Variants in FANCB observed in about 807,000 individuals in gnomAD.
FANCB encodes the protein Fanconi anemia group B protein.
Under a neutral mutation model 38.9 loss-of-function variants are expected in FANCB, and 5 were observed. That is an observed-to-expected ratio of 0.13 (90% CI 0.07 to 0.27). The LOEUF (loss-of-function observed/expected upper bound fraction) is 0.27, where lower values mean the gene tolerates loss of function less well. Among genes scored for constraint, FANCB ranks in the 10% least tolerant of loss-of-function variants. The pLI, the probability that FANCB is intolerant of heterozygous loss-of-function variation, is 1.00. For missense variants in FANCB, 573 were observed against 602.7 expected (o/e 0.95, Z 0.52); for synonymous variants, 236 against 215.4 (o/e 1.10, Z -0.84).
At chrX:14,765,517 G>A in the FANCB span, among the ~76,000 whole-genome samples, 1 of 112,527 alleles carries the variant, frequency 8.9e-6, no homozygotes, top group Non-Finnish European at 1.9e-5. Flanking sequence ...TGAAGAGTAA[G>A]AAGATAGCTC....
At chrX:14,811,672 C>T in the FANCB span, among the ~76,000 whole-genome samples, 1 of 111,501 alleles carries the variant, frequency 9.0e-6, no homozygotes, top group African/African-American at 3.3e-5. Flanking sequence ...TAAAGGAAGT[C>T]CTGAGTGACC....
chrX:14,819,181 G>A, the FANCB span, among the ~76,000 whole-genome samples: 2 of 111,950 alleles, frequency 1.8e-5, no homozygotes, highest in African/African-American at 6.5e-5. Flanking sequence ...CTAGAAGATG[G>A]GTTCTAGGGG....
chrX:14,802,333 C>T, the FANCB span, among the ~76,000 whole-genome samples: 2 of 111,434 alleles, frequency 1.8e-5, no homozygotes, highest in African/African-American at 6.5e-5. Flanking sequence ...TATGATGCAG[C>T]TGAAATGTTG....
the FANCB span, among the ~76,000 whole-genome samples, chrX:14,803,938 C>T: frequency 1.3e-4 from 14 of 111,381 alleles, no homozygotes; most frequent in Admixed American, 1.2e-3. Flanking sequence ...AATGAGATAC[C>T]ATCTCACACC....
the FANCB span, among the ~76,000 whole-genome samples, chrX:14,782,673 A>T: frequency 5.3e-5 from 6 of 112,179 alleles, no homozygotes; most frequent in African/African-American, 1.9e-4. Flanking sequence ...TGAAGCTCAA[A>T]TTGAAAGCCA....
At chrX:14,730,299 C>T in the FANCB span, 1 of 1,208,705 alleles carries the variant, frequency 8.3e-7, no homozygotes, top group Non-Finnish European at 1.1e-6. Context: ...CTGTCAAGGC[C>T]ACACCTGCCA....
the FANCB span, among the ~76,000 whole-genome samples, chrX:14,770,805 A>C: frequency 8.9e-6 from 1 of 111,961 alleles, no homozygotes; most frequent in Non-Finnish European, 1.9e-5. Context: ...AGCTTCCTTC[A>C]GGAGCTCTTC....
At chrX:14,808,837 A>AG in the FANCB span, among the ~76,000 whole-genome samples, 1 of 112,693 alleles carries the variant, frequency 8.9e-6, no homozygotes, top group Non-Finnish European at 1.9e-5. Context: ...CCAGAAAACT[A>AG]TTAGAAGTGA....
At chrX:14,767,965 A>G in the FANCB span, among the ~76,000 whole-genome samples, 1 of 111,295 alleles carries the variant, frequency 9.0e-6, no homozygotes, top group Non-Finnish European at 1.9e-5. Flanking sequence ...TGTTTTTGTC[A>G]GTTTTGTTGA....
chrX:14,735,107 G>A, the FANCB span, among the ~76,000 whole-genome samples: 3 of 108,488 alleles, frequency 2.8e-5, no homozygotes, highest in Non-Finnish European at 5.7e-5. Flanking sequence ...CTCTAAACTG[G>A]TTATTCTAGT....
chrX:14,736,501 G>A, the FANCB span, among the ~76,000 whole-genome samples: 4 of 111,482 alleles, frequency 3.6e-5, no homozygotes, highest in African/African-American at 1.3e-4. Flanking sequence ...GGAGTTCCCC[G>A]ACCCCTTGTG....
chrX:14,800,037 G>C, the FANCB span, among the ~76,000 whole-genome samples: 5 of 111,961 alleles, frequency 4.5e-5, no homozygotes, highest in Non-Finnish European at 9.4e-5. Flanking sequence ...TGATGATCTG[G>C]AAAATCCTCA....
the FANCB span, among the ~76,000 whole-genome samples, chrX:14,756,854 G>A: frequency 8.9e-6 from 1 of 112,191 alleles, no homozygotes; most frequent in African/African-American, 3.2e-5. Context: ...ACGGTCTCAA[G>A]TAGTGACAAT....
intron 6 of FANCB, among the ~76,000 whole-genome samples, 158 bp downstream of exon 6, chrX:14,852,881 G>A (rs903485488): frequency 8.9e-6 from 1 of 111,810 alleles, no homozygotes; most frequent in African/African-American, 3.2e-5. Context: ...ATTTTTCAAT[G>A]TCATAAAAGT....
the FANCB span, among the ~76,000 whole-genome samples, chrX:14,700,091 C>T: frequency 9.0e-6 from 1 of 111,306 alleles, no homozygotes; most frequent in Non-Finnish European, 1.9e-5. Flanking sequence ...CCCCCAGTTA[C>T]AGACATGACC....
the FANCB span, among the ~76,000 whole-genome samples, chrX:14,786,686 TTAG>T: frequency 9.0e-6 from 1 of 111,315 alleles, no homozygotes; most frequent in Non-Finnish European, 1.9e-5. Flanking sequence ...AGCCTCATAA[TTAG>T]TAGGCAAGAA....
At chrX:14,772,740 T>C in the FANCB span, among the ~76,000 whole-genome samples, 26 of 109,868 alleles carry the variant, frequency 2.4e-4, no homozygotes, top group Admixed American at 2.3e-3. Flanking sequence ...GATCTCGGTG[T>C]GTGCCTGAGC....
At chrX:14,747,607 T>C in the FANCB span, among the ~76,000 whole-genome samples, 6 of 112,535 alleles carry the variant, frequency 5.3e-5, no homozygotes. Flanking sequence ...CAAGTTTAGA[T>C]GAATCAGAAG....
chrX:14,838,866 A>C (rs1338762414), downstream of FANCB, among the ~76,000 whole-genome samples: 1 of 112,462 alleles, frequency 8.9e-6, no homozygotes, highest in Admixed American at 9.4e-5. Context: ...TGTATTTCCT[A>C]AACAGTCCCA....
Sources: allele counts gnomAD v4.1 joint callset (sites outside exome capture counted in the v4.1 genomes callset), GRCh38; gene constraint gnomAD v4.1.1; transcripts MANE v1.5; gene names NCBI Gene and HGNC (gene_info 2026-07-23, HGNC 2026-07-21).